HPD: variants seen among roughly 807,000 people sequenced by gnomAD.
HPD encodes the protein 4-hydroxyphenylpyruvate dioxygenase, also known as 4-hydroxyphenylpyruvic acid oxidase.
Under a neutral mutation model 56.9 loss-of-function variants are expected in HPD, and 35 were observed. That is an observed-to-expected ratio of 0.62 (90% CI 0.47 to 0.82). The LOEUF (loss-of-function observed/expected upper bound fraction) is 0.82. HPD is among the 40% of genes least tolerant of loss of function. The pLI is 0.00. For synonymous variants in HPD, 186 were observed against 200.2 expected (o/e 0.93, Z 0.60); for missense variants, 442 against 506.8 (o/e 0.87, Z 1.23).
rs34943778 is a variant in HPD, at chr12:121,856,099, G to A, written c.324+225C>T. On this transcript the variant is annotated intron_variant, in intron 6 of 13. Transcript: ENST00000289004. ...AGTGAGAGAGAGGACACGGGGGAAG[G>A]CAGGGCACCCCCGGAGCCCAGGTGT... is the stretch of plus-strand genomic sequence containing the variant. Among the ~76,000 whole-genome samples, 75,854 of 151,956 alleles carry A rather than the reference G, an allele frequency of 0.5. 19,278 individuals are homozygous for A. Among genetic ancestry groups the A allele is most frequent in the East Asian group, 0.79 (4,097 of 5,174 alleles).
upstream of HPD, among the ~76,000 whole-genome samples, chr12:121,860,732 C>T (rs1158480174): frequency 6.6e-6 from 1 of 152,130 alleles, no homozygotes; most frequent in Non-Finnish European, 1.5e-5. Context: ...TTGAAAATAC[C>T]CTGGTGTGCA....
intron 9 of HPD, among the ~76,000 whole-genome samples, chr12:121,848,324 T>C (rs1877652830): frequency 6.6e-6 from 1 of 152,100 alleles, no homozygotes; most frequent in South Asian, 2.1e-4. Context: ...TTATTATTAT[T>C]ATTTTGAGAC....
At chr12:121,885,148 C>G in the HPD span, among the ~76,000 whole-genome samples, 2 of 152,038 alleles carry the variant, frequency 1.3e-5, no homozygotes, top group Non-Finnish European at 2.9e-5. Context: ...CCCTCAGCCT[C>G]CCAAAGTGCT....
intron 6 of HPD, 138 bp downstream of exon 6, chr12:121,856,186 C>T (rs1202853545): frequency 1.3e-6 from 1 of 743,792 alleles, no homozygotes; most frequent in Non-Finnish European, 2.4e-6. Flanking sequence ...CACTGTGATG[C>T]AGCATCTGAG....
chr12:121,857,225 G>T, intron 4 of HPD, 103 bp downstream of exon 4: 1 of 785,356 alleles, frequency 1.3e-6, no homozygotes, highest in Non-Finnish European at 2.2e-6. Context: ...GATTACAGGT[G>T]CCCACCATCA....
chr12:121,855,070 G>A (rs1877945127), intron 6 of HPD, among the ~76,000 whole-genome samples: 1 of 152,170 alleles, frequency 6.6e-6, no homozygotes, highest in African/African-American at 2.4e-5. Context: ...CCTGTGATCA[G>A]TCCCCTTCTC....
chr12:121,856,638 G>A lies in HPD; in HGVS notation c.199-13C>T. 6.2e-7 allele frequency: 1 copy of A among 1,614,024 alleles called. No homozygotes were observed. Among genetic ancestry groups the A allele is most frequent in the Non-Finnish European group, 8.5e-7 (1 of 1,179,924 alleles). On this transcript the variant is annotated splice_polypyrimidine_tract_variant and intron_variant, in intron 4 of 13. Transcript: ENST00000289004. The stretch of plus-strand genomic sequence containing the variant: ...GGACAAACACAATCTAAGATAGGAG[G>A]AGAAGGAGGTGAGGCTAGTGGCTCA...
chr12:121,857,331 C>G lies in HPD; in HGVS notation c.195G>C (p.Gly65=). 6.2e-7 allele frequency: 1 copy of G among 1,609,636 alleles called. No homozygotes were observed. The highest frequency in any genetic ancestry group is 8.5e-7 in the Non-Finnish European group (1 of 1,175,888). Reference sequence around the variant, plus strand: ...TGTCCTGGGGGTGGTGACTCACCTTCCCTTGTTTGATTACATGGCTGACCA... The same window carrying G: ...TGTCCTGGGGGTGGTGACTCACCTTGCCTTGTTTGATTACATGGCTGACCA... ...REVVSHVIKQ[G]KIVFVLSSAL... The change falls in exon 4 of 14, where the codon GGG becomes GGC. Residue 65 remains glycine, a synonymous_variant. Transcript: ENST00000289004.
the HPD span, among the ~76,000 whole-genome samples, chr12:121,883,474 G>C: frequency 6.6e-6 from 1 of 151,728 alleles, no homozygotes; most frequent in Non-Finnish European, 1.5e-5. Flanking sequence ...GGTGGATTTG[G>C]GAGCTATGAA....
chr12:121,852,349 TTGTAGA>T, intron 7 of HPD, among the ~76,000 whole-genome samples: 1 of 151,938 alleles, frequency 6.6e-6, no homozygotes, highest in Non-Finnish European at 1.5e-5. Context: ...TTTTTAATTT[TTGTAGA>T]GATGGGGTCT....
chr12:121,862,783 C>CCATTCTCCT (rs1347202768), upstream of HPD, among the ~76,000 whole-genome samples: 2 of 147,456 alleles, frequency 1.4e-5, no homozygotes, highest in African/African-American at 2.5e-5. Flanking sequence ...AAGGTTCACG[C>CCATTCTCCT]CATTCTCCTG....
At position 121,847,232 on chromosome 12, in the gene HPD, G is replaced by A. The variant is rs1592917862; in HGVS notation, c.597-18C>T. The A allele has an allele frequency of 6.2e-7, 1 of 1,613,690 alleles. No homozygotes were observed. Among genetic ancestry groups the A allele is most frequent in the Admixed American group, 1.7e-5 (1 of 59,998 alleles). On this transcript the variant is annotated intron_variant, in intron 9 of 13. Coordinates refer to ENST00000289004, the MANE Select transcript of HPD (RefSeq NM_002150.3). ...TCAGGTACCTGTAGGGTGGGCGGTG[G>A]AACACATATGCTCTGAGCGCCTCCA... is the stretch of plus-strand genomic sequence containing the variant.
Position 121,847,133 on chromosome 12 carries a change from G to T in HPD, c.678C>A (p.Ser226=). 6.2e-7 allele frequency: 1 copy of T among 1,614,166 alleles called. No individual in the cohort carries two copies. Among genetic ancestry groups the T allele is most frequent in the Non-Finnish European group, 8.5e-7 (1 of 1,180,022 alleles). The stretch of plus-strand genomic sequence containing the variant: ...ACTCTTCATAGTTGGCCACCACAAT[G>T]GATCGCAGAGAGCTATATTCCGTGT... ...QVHTEYSSLR[S]IVVANYEESI... is the part of the protein sequence containing the mutation. Residue 226 remains serine (S), a synonymous_variant, in exon 10 of 14, where the codon TCC becomes TCA. Coordinates refer to ENST00000289004, the MANE Select transcript of HPD (RefSeq NM_002150.3).
chr12:121,847,080 G>A lies in HPD; in HGVS notation c.731C>T (p.Ala244Val), dbSNP rs972057516. Residue 244 changes from alanine to valine, a missense_variant, in exon 10 of 14, where the codon GCG becomes GTG. Coordinates refer to ENST00000289004, the MANE Select transcript of HPD (RefSeq NM_002150.3). ...GATCTGGGACTTCTTCTTGCCAGGC[G>A]CTGGCTCATTGATGGGCATCTTGAT... is the stretch of plus-strand genomic sequence containing the variant. ...ESIKMPINEP[A>V]PGKKKSQIQE... The A allele has an allele frequency of 6.2e-7, 1 of 1,614,150 alleles. No individual in the cohort carries two copies. Among genetic ancestry groups the A allele is most frequent in the Non-Finnish European group, 8.5e-7 (1 of 1,180,032 alleles).
At chr12:121,849,654 T>TGGG in intron 8 of HPD, 33 bp downstream of exon 8, 3 of 1,412,768 alleles carry the variant, frequency 2.1e-6, no homozygotes, top group Non-Finnish European at 3.0e-6. Flanking sequence ...CCCTCAGGGC[T>TGGG]TTCCACCCAC....
At chr12:121,846,060 TG>T (rs1047586623) in intron 11 of HPD, among the ~76,000 whole-genome samples, 2 of 152,068 alleles carry the variant, frequency 1.3e-5, no homozygotes, top group Non-Finnish European at 2.9e-5. Flanking sequence ...CCACCAAGCC[TG>T]GTTAATTTTG....
chr12:121,881,829 A>ATTTTTTT, the HPD span, among the ~76,000 whole-genome samples: 1 of 97,140 alleles, frequency 1.0e-5, no homozygotes, highest in Admixed American at 1.2e-4. Context: ...TGTATTTTTA[A>ATTTTTTT]TAGAGACAGG....
At chr12:121,860,010 TA>T (rs1878134848), upstream of HPD, among the ~76,000 whole-genome samples, 3 of 151,992 alleles carry the variant, frequency 2.0e-5, no homozygotes, top group Admixed American at 1.3e-4. Context: ...ATACAAACAT[TA>T]GCTGGGCACG....
the HPD span, among the ~76,000 whole-genome samples, chr12:121,888,397 C>A: frequency 7.9e-5 from 12 of 152,162 alleles, no homozygotes; most frequent in African/African-American, 1.4e-4. Flanking sequence ...TCAGGCATAT[C>A]GGATCTGTAA....
Sources: gnomAD v4.1 joint callset for allele counts (sites outside exome capture counted in the v4.1 genomes callset) on GRCh38, gnomAD v4.1.1 for gene constraint, MANE v1.5 for transcripts, NCBI Gene and HGNC (gene_info 2026-07-23, HGNC 2026-07-21) for gene names.